PLXNA2: variants seen among roughly 807,000 people sequenced by gnomAD.
The protein encoded by PLXNA2 is plexin-A2.
Under a neutral mutation model 193.5 loss-of-function variants are expected in PLXNA2, and 91 were observed. That is an observed-to-expected ratio of 0.47 (90% CI 0.40 to 0.56). The LOEUF (loss-of-function observed/expected upper bound fraction) is 0.56. Among genes scored for constraint, PLXNA2 ranks in the 20% least tolerant of loss-of-function variants. The pLI is 0.00. For synonymous variants in PLXNA2, 997 were observed against 1,027.3 expected, an observed-to-expected ratio of 0.97 and a Z score of 0.56; for missense variants, 1,995 against 2,503.2, an observed-to-expected ratio of 0.80 and a Z score of 4.33.
At chr1:208,233,726 T>C (rs1053485726) in intron 1 of PLXNA2, among the ~76,000 whole-genome samples, 1 of 152,254 alleles carries the variant, frequency 6.6e-6, no homozygotes, top group African/African-American at 2.4e-5. Flanking sequence ...TGGGTCATTG[T>C]CTCAGCCTCT....
chr1:208,053,024 C>T (rs1272040465), intron 14 of PLXNA2, among the ~76,000 whole-genome samples: 1 of 152,188 alleles, frequency 6.6e-6, no homozygotes, highest in Non-Finnish European at 1.5e-5. Flanking sequence ...GAGGATGGCG[C>T]ATCACTGGCT....
chr1:208,201,193 G>T (rs1166708774), intron 3 of PLXNA2, among the ~76,000 whole-genome samples: 3 of 152,216 alleles, frequency 2.0e-5, no homozygotes, highest in Non-Finnish European at 4.4e-5. Flanking sequence ...ATAAACTGAG[G>T]TCCCCTCAGA....
intron 1 of PLXNA2, among the ~76,000 whole-genome samples, chr1:208,227,134 C>A (rs943472805): frequency 1.3e-5 from 2 of 152,202 alleles, no homozygotes; most frequent in African/African-American, 4.8e-5. Context: ...TAAAAGTAGG[C>A]ATATGGCTTT....
intron 12 of PLXNA2, among the ~76,000 whole-genome samples, chr1:208,065,106 G>A (rs113837450): frequency 0.025 from 3,835 of 152,100 alleles, 76 homozygotes; most frequent in Non-Finnish European, 0.038. Context: ...AGAGGCTGCA[G>A]GGGAGGGGAG....
intron 3 of PLXNA2, among the ~76,000 whole-genome samples, chr1:208,172,919 A>T (rs1669540183): frequency 6.6e-6 from 1 of 152,186 alleles, no homozygotes; most frequent in Admixed American, 6.5e-5. Context: ...AACATCACAG[A>T]AAGAGCCCAG....
At chr1:208,205,789 T>A (rs1409375948) in intron 3 of PLXNA2, among the ~76,000 whole-genome samples, 1 of 152,100 alleles carries the variant, frequency 6.6e-6, no homozygotes, top group Non-Finnish European at 1.5e-5. Flanking sequence ...AAAAACGTCT[T>A]CCTTATATGA....
intron 13 of PLXNA2, 69 bp downstream of exon 13, chr1:208,060,617 G>A (rs1665586902): frequency 7.0e-7 from 1 of 1,432,836 alleles, no homozygotes; most frequent in African/African-American, 1.4e-5. Context: ...CCCAGGAAGG[G>A]AGAGGGGAGA....
chr1:208,223,655 G>T (rs1292292646), intron 1 of PLXNA2, among the ~76,000 whole-genome samples: 1 of 152,194 alleles, frequency 6.6e-6, no homozygotes, highest in African/African-American at 2.4e-5. Flanking sequence ...ACTCAGGACC[G>T]TCACCTATGC....
chr1:208,096,675 T>C, intron 7 of PLXNA2, 55 bp downstream of exon 7: 1 of 1,590,778 alleles, frequency 6.3e-7, no homozygotes, highest in Admixed American at 1.7e-5. Context: ...GACCCCCAGC[T>C]CCCTCAGTAT....
chr1:208,082,111 C>T lies in PLXNA2; in HGVS notation c.2395+301G>A, dbSNP rs540829589. ...TCCATTTCCAGGGAAACTAGCCGGA[C>T]GTTCCTGCCTGCTGTTCTCCTAGGT... On this transcript the variant is annotated intron_variant, in intron 11 of 31. Coordinates refer to ENST00000367033, the MANE Select transcript of PLXNA2 (RefSeq NM_025179.4). The surrounding 1 kb of genome is among the most constrained non-coding windows in gnomAD (Gnocchi z 4.2). Among the ~76,000 whole-genome samples, 3 of 152,324 alleles carry T rather than the reference C, an allele frequency of 2.0e-5. No individual in the cohort carries two copies. The highest frequency in any genetic ancestry group is 6.5e-5 in the Admixed American group (1 of 15,306).
chr1:208,209,184 T>C (rs564201217), intron 3 of PLXNA2, among the ~76,000 whole-genome samples: 39 of 152,266 alleles, frequency 2.6e-4, no homozygotes, highest in Non-Finnish European at 5.4e-4. Flanking sequence ...AGAAGAAGCC[T>C]GGAGGGTTTA....
intron 3 of PLXNA2, among the ~76,000 whole-genome samples, chr1:208,169,010 C>A (rs1208594129): frequency 6.6e-6 from 1 of 152,038 alleles, no homozygotes; most frequent in Non-Finnish European, 1.5e-5. Context: ...TCTATAAGGC[C>A]AAGCTGATCA....
intron 3 of PLXNA2, among the ~76,000 whole-genome samples, chr1:208,143,943 C>T (rs773276061): frequency 2.4e-4 from 36 of 152,076 alleles, no homozygotes; most frequent in Non-Finnish European, 2.4e-4. Context: ...TAGCCGGCAA[C>T]GGATAAAAGG....
chr1:208,242,775 T>A (rs1224826843), intron 1 of PLXNA2, among the ~76,000 whole-genome samples: 1 of 152,172 alleles, frequency 6.6e-6, no homozygotes, highest in Non-Finnish European at 1.5e-5. Flanking sequence ...AAAATGGTAG[T>A]TTCTGGTGAC....
chr1:208,111,213 G>A lies in PLXNA2; in HGVS notation c.1507-7966C>T, dbSNP rs903569259. Among the ~76,000 whole-genome samples, 41 of 152,074 alleles carry A rather than the reference G, an allele frequency of 2.7e-4. 1 individual carries two copies. Among genetic ancestry groups the A allele is most frequent in the Admixed American group, 5.9e-4 (9 of 15,276 alleles). On this transcript the variant is annotated intron_variant, in intron 4 of 31. Transcript: ENST00000367033. Reference sequence around the variant, plus strand: ...CTACAGGTGTGTGCCACCACACCTGGCTAATTAATTTAATTTAATTTAATT... The same window carrying A: ...CTACAGGTGTGTGCCACCACACCTGACTAATTAATTTAATTTAATTTAATT...
chr1:208,117,382 C>T (rs1416718144), intron 4 of PLXNA2, among the ~76,000 whole-genome samples: 2 of 152,108 alleles, frequency 1.3e-5, no homozygotes, highest in East Asian at 1.9e-4. Context: ...ACCCCAGCTG[C>T]ACAATGGTGG....
chr1:208,085,865 G>A lies in PLXNA2; in HGVS notation c.2098-1285C>T, dbSNP rs574868821. Reference sequence around the variant, plus strand: ...TCTGGCCCTTTGAACATGCTTTTCCGTCTATTAGAAACACACACTCCTGCC... The same window carrying A: ...TCTGGCCCTTTGAACATGCTTTTCCATCTATTAGAAACACACACTCCTGCC... On this transcript the variant is annotated intron_variant, in intron 9 of 31. Transcript: ENST00000367033. 7.9e-5 allele frequency among the ~76,000 whole-genome samples: 12 copies of A among 152,246 alleles called. No homozygotes were observed. In the South Asian group the frequency reaches 1.7e-3, roughly 21 times the overall value.
intron 3 of PLXNA2, among the ~76,000 whole-genome samples, chr1:208,146,518 G>A (rs1463676180): frequency 1.3e-5 from 2 of 152,178 alleles, no homozygotes; most frequent in African/African-American, 2.4e-5. Context: ...CTAGGAAGAA[G>A]GCTGCTAATG....
chr1:208,038,759 G>A lies in PLXNA2; in HGVS notation c.4660+66C>T, dbSNP rs11806199. On this transcript the variant is annotated intron_variant, in intron 25 of 31. Transcript: ENST00000367033. The surrounding 1 kb of genome is among the most constrained non-coding windows in gnomAD (Gnocchi z 4.1). ...AGTCATGCCCCTGCAAGGGTTGTGTGCATGGCAGCTTCCCTTCCTTCACCT... is the reference window on the plus strand; with the variant it reads ...AGTCATGCCCCTGCAAGGGTTGTGTACATGGCAGCTTCCCTTCCTTCACCT... The A allele has an allele frequency of 3.5e-3, 5,271 of 1,511,578 alleles. 148 individuals are homozygous for A. In the African/African-American group the frequency reaches 0.057, roughly 16 times the overall value. 93.6% of individuals were successfully genotyped at this position (1,511,578 alleles called of 1,614,324 possible). A position where few individuals can be genotyped will look rare whatever the true frequency, so the allele number is the denominator to read the frequency against.
Sources: allele counts gnomAD v4.1 joint callset (sites outside exome capture counted in the v4.1 genomes callset), GRCh38; gene constraint gnomAD v4.1.1; non-coding constraint Gnocchi (gnomAD v3.1); transcripts MANE v1.5; gene names NCBI Gene and HGNC (gene_info 2026-07-23, HGNC 2026-07-21).